Variants in DAB1 observed in about 807,000 individuals in gnomAD.
DAB1 encodes the protein DAB adaptor protein 1, also known as disabled homolog 1.
DAB1 carries 15 observed loss-of-function variants against 64.6 expected under a neutral mutation model. The observed-to-expected ratio is 0.23, with a 90% CI of 0.16 to 0.36. The LOEUF (loss-of-function observed/expected upper bound fraction) is 0.36, where lower values mean the gene tolerates loss of function less well. DAB1 is among the 10% of genes least tolerant of loss of function. The pLI is 1.00. For missense variants in DAB1, 596 were observed against 706.7 expected (o/e 0.84, Z 1.78); for synonymous variants, 235 against 251.9 (o/e 0.93, Z 0.64).
intron 1 of DAB1, among the ~76,000 whole-genome samples, chr1:57,368,545 C>T (rs1183071188): frequency 6.6e-6 from 1 of 152,144 alleles, no homozygotes; most frequent in Admixed American, 6.5e-5. Flanking sequence ...CTCTCCAGGT[C>T]CTCCTCTCTG....
At chr1:58,535,371 C>G (rs1646499945) in intron 1 of DAB1, among the ~76,000 whole-genome samples, 1 of 152,002 alleles carries the variant, frequency 6.6e-6, no homozygotes, top group South Asian at 2.1e-4. Context: ...AGGAGGTGGG[C>G]AGATCACGAG....
At chr1:58,348,723 C>T (rs572164288) in intron 3 of DAB1, among the ~76,000 whole-genome samples, 2 of 152,300 alleles carry the variant, frequency 1.3e-5, no homozygotes, top group South Asian at 2.1e-4. Context: ...TTTTACTTCA[C>T]CCTACAATGA....
At chr1:58,223,878 T>C (rs1315313160) in intron 4 of DAB1, among the ~76,000 whole-genome samples, 1 of 152,246 alleles carries the variant, frequency 6.6e-6, no homozygotes, top group Admixed American at 6.5e-5. Flanking sequence ...AATTTTCTGC[T>C]GGGTTGGATG....
At chr1:57,794,681 C>G (rs1650757745) in intron 6 of DAB1, among the ~76,000 whole-genome samples, 1 of 152,138 alleles carries the variant, frequency 6.6e-6, no homozygotes, top group South Asian at 2.1e-4. Flanking sequence ...AATTCCAGCC[C>G]CCTAGACTGT....
chr1:58,062,769 TAGATACTACA>T (rs1025042152), intron 5 of DAB1, among the ~76,000 whole-genome samples: 4 of 152,100 alleles, frequency 2.6e-5, no homozygotes, highest in Non-Finnish European at 5.9e-5. Flanking sequence ...CTGAGATGAG[TAGATACTACA>T]CACCATGCTC....
At chr1:57,949,574 TA>T (rs1645240679) in intron 5 of DAB1, among the ~76,000 whole-genome samples, 5 of 151,934 alleles carry the variant, frequency 3.3e-5, no homozygotes, top group Non-Finnish European at 4.4e-5. Flanking sequence ...ACAATATATA[TA>T]TATAATGCAC....
intron 4 of DAB1, among the ~76,000 whole-genome samples, chr1:58,318,845 G>A (rs553631149): frequency 1.6e-4 from 24 of 152,244 alleles, no homozygotes; most frequent in South Asian, 2.1e-4. Context: ...GTAAATCTTT[G>A]TCCCCTTTCC....
chr1:57,333,345 TAAC>T lies in DAB1; in HGVS notation c.-136-42182_-136-42180del, dbSNP rs370398057. Among the ~76,000 whole-genome samples the T allele has an allele frequency of 1.7e-3, 252 of 152,326 alleles. 1 individual carries two copies. The highest frequency in any genetic ancestry group is 5.5e-3 in the African/African-American group (227 of 41,576). On this transcript the variant is annotated intron_variant, in intron 1 of 14. Coordinates refer to ENST00000371236, the MANE Select transcript of DAB1 (RefSeq NM_001365792.1). ...ACAATTTAAGGTAAAGCAACTCACT[TAAC>T]GGCTCAGTTTCTCAGCATCCTCATC...
chr1:57,685,907 A>AGCAGTG (rs749503473), intron 6 of DAB1, among the ~76,000 whole-genome samples: 3 of 152,208 alleles, frequency 2.0e-5, no homozygotes, highest in Non-Finnish European at 4.4e-5. Flanking sequence ...ATACAGCTAA[A>AGCAGTG]GCAGTGTTAA....
At chr1:57,249,529 C>T (rs833629) in intron 2 of DAB1, among the ~76,000 whole-genome samples, 2,370 of 152,104 alleles carry the variant, frequency 0.016, 67 homozygotes, top group African/African-American at 0.055. Flanking sequence ...ATGCCACCAC[C>T]CCCAGCTAAT....
At chr1:58,524,315 C>T (rs1646316117) in intron 2 of DAB1, among the ~76,000 whole-genome samples, 1 of 152,220 alleles carries the variant, frequency 6.6e-6, no homozygotes, top group African/African-American at 2.4e-5. Flanking sequence ...TCTTGGTCAG[C>T]AGAAGCTGCT....
intron 7 of DAB1, among the ~76,000 whole-genome samples, chr1:57,634,228 A>G (rs935350794): frequency 6.6e-6 from 1 of 152,234 alleles, no homozygotes; most frequent in Admixed American, 6.5e-5. Flanking sequence ...ATAATGTAAG[A>G]TTTAGCATAG....
At chr1:57,258,907 C>G (rs1242941036) in intron 2 of DAB1, among the ~76,000 whole-genome samples, 1 of 152,024 alleles carries the variant, frequency 6.6e-6, no homozygotes, top group Non-Finnish European at 1.5e-5. Context: ...AGCTGGGGAG[C>G]TAATTGTATC....
intron 1 of DAB1, among the ~76,000 whole-genome samples, chr1:57,340,842 G>A (rs912831633): frequency 6.6e-6 from 1 of 152,106 alleles, no homozygotes; most frequent in Non-Finnish European, 1.5e-5. Context: ...CCTGGGCTCT[G>A]AACTACAAGA....
chr1:57,968,585 C>T (rs1405309869), intron 5 of DAB1, among the ~76,000 whole-genome samples: 1 of 152,132 alleles, frequency 6.6e-6, no homozygotes, highest in Non-Finnish European at 1.5e-5. Flanking sequence ...CGGTAGAACA[C>T]AGATGCATGA....
At chr1:57,542,456 C>T (rs1018756542) in intron 7 of DAB1, among the ~76,000 whole-genome samples, 4 of 149,292 alleles carry the variant, frequency 2.7e-5, no homozygotes, top group African/African-American at 9.9e-5. Flanking sequence ...TGGTTGAAAG[C>T]ATAAGGTCTA....
At chr1:57,153,452 T>G in intron 2 of DAB1, among the ~76,000 whole-genome samples, 1 of 152,224 alleles carries the variant, frequency 6.6e-6, no homozygotes, top group East Asian at 1.9e-4. Context: ...AGTACCTGTA[T>G]CTCACAATGA....
intron 2 of DAB1, among the ~76,000 whole-genome samples, chr1:57,181,129 G>T (rs1662882665): frequency 3.3e-5 from 5 of 152,216 alleles, no homozygotes; most frequent in Admixed American, 3.3e-4. Flanking sequence ...CCGGTGCTAT[G>T]CATGTAGTAG....
intron 2 of DAB1, among the ~76,000 whole-genome samples, chr1:57,225,124 T>C (rs58654205): frequency 0.013 from 2,056 of 152,310 alleles, 48 homozygotes; most frequent in African/African-American, 0.048. Flanking sequence ...TCCTTTGTGA[T>C]AAAAGGAACC....
Sources: gnomAD v4.1 joint callset for allele counts (sites outside exome capture counted in the v4.1 genomes callset) on GRCh38, gnomAD v4.1.1 for gene constraint, MANE v1.5 for transcripts, NCBI Gene and HGNC (gene_info 2026-07-23, HGNC 2026-07-21) for gene names.